Variants in CAMK2G observed in about 807,000 individuals in gnomAD.
CAMK2G encodes calcium/calmodulin-dependent protein kinase type II subunit gamma.
In CAMK2G, 23 loss-of-function variants were observed where a neutral mutation model predicts 88.7. The ratio of observed to expected loss-of-function variants is 0.26; its 90% CI spans 0.19 to 0.37. The LOEUF is 0.37. CAMK2G is among the 10% of genes least tolerant of loss of function. CAMK2G has a pLI of 1.00. For synonymous variants in CAMK2G, 263 were observed against 294.8 expected, an observed-to-expected ratio of 0.89 and a Z score of 1.11; for missense variants, 476 against 780.8, an observed-to-expected ratio of 0.61 and a Z score of 4.65.
intron 9 of CAMK2G, 55 bp downstream of exon 9, chr10:73,847,933 A>C: frequency 1.1e-6 from 1 of 913,198 alleles, no homozygotes. Flanking sequence ...ACAGAGCCCG[A>C]GGAGCAAGGA....
intron 18 of CAMK2G, 61 bp downstream of exon 18, chr10:73,821,621 T>C (rs2088799920): frequency 7.6e-7 from 1 of 1,311,980 alleles, no homozygotes; most frequent in Non-Finnish European, 1.1e-6. Flanking sequence ...AGGTGCCCCA[T>C]TGGAGCCCAG....
At position 73,842,180 on chromosome 10, in the gene CAMK2G, C is replaced by T; in HGVS notation, c.935G>A (p.Arg312Lys). 11 of 1,612,968 alleles carry T rather than the reference C, an allele frequency of 6.8e-6. No homozygotes were observed. The highest frequency in any genetic ancestry group is 9.3e-6 in the Non-Finnish European group (11 of 1,178,906). The change falls in exon 12 of 23, where the codon AGG becomes AAG. Residue 312 changes from arginine (R) to lysine (K), a missense_variant. Coordinates refer to ENST00000423381, the MANE Select transcript of CAMK2G (RefSeq NM_001367534.1). This position sits in a 1 kb window ranked among gnomAD's most constrained non-coding sequence, Gnocchi z 4.6. ...CTGGGAAAACATACCTGAGAAGTTC[C>T]TGGAGACAAGCATGGTCGTGAGGAT... The part of the protein sequence containing the change: ...GAILTTMLVS[R>K]NFSVGRQSSA...
At chr10:73,832,065 TA>T (rs563352520) in intron 14 of CAMK2G, among the ~76,000 whole-genome samples, 33 of 146,830 alleles carry the variant, frequency 2.2e-4, no homozygotes, top group East Asian at 1.6e-3. Flanking sequence ...TGCTTTACTT[TA>T]AAAAAAAAAT....
intron 14 of CAMK2G, among the ~76,000 whole-genome samples, chr10:73,831,500 T>C (rs2092422447): frequency 7.2e-6 from 1 of 139,104 alleles, no homozygotes; most frequent in Non-Finnish European, 1.5e-5. Context: ...ACCATGCCAT[T>C]GCACTCCAGC....
intron 3 of CAMK2G, among the ~76,000 whole-genome samples, chr10:73,856,864 C>T (rs2095072427): frequency 6.6e-6 from 1 of 152,242 alleles, no homozygotes; most frequent in Non-Finnish European, 1.5e-5. Context: ...TAGCCACAAC[C>T]CAAATGTTGT....
chr10:73,848,216 A>C lies in CAMK2G; in HGVS notation c.602-134T>G. The C allele has an allele frequency of 4.5e-6, 3 of 671,974 alleles. No homozygotes were observed. The highest frequency in any genetic ancestry group is 5.0e-5 in the East Asian group (2 of 39,820). The allele number at this position is 671,974 out of a possible 1,614,324, so 41.6% of individuals were successfully genotyped here. On this transcript the variant is annotated intron_variant, in intron 8 of 22. Coordinates refer to ENST00000423381, the MANE Select transcript of CAMK2G (RefSeq NM_001367534.1). This position sits in a 1 kb window ranked among gnomAD's most constrained non-coding sequence, Gnocchi z 4.5. ...GAGTCAGAAGTGGATGCCAGCCGAT[A>C]ATGCTATGCTACCAGCCCCTCCTGC...
Position 73,814,980 on chromosome 10 carries a change from T to A in CAMK2G, c.*12+23A>T, listed in dbSNP as rs561181148. ...ACCTATCCCAGGCCCTTCCAGCCCCTCTCCCCCGTCAACCAGGTGCACCTG... is the reference window on the plus strand; with the variant it reads ...ACCTATCCCAGGCCCTTCCAGCCCCACTCCCCCGTCAACCAGGTGCACCTG... On this transcript the variant is annotated intron_variant, in intron 22 of 22. Coordinates refer to ENST00000423381, the MANE Select transcript of CAMK2G (RefSeq NM_001367534.1). 4 of 1,525,938 alleles carry A rather than the reference T, an allele frequency of 2.6e-6. No homozygotes were observed. The African/African-American group carries it at 5.5e-5, about 21-fold the overall frequency. 94.5% of individuals were successfully genotyped at this position (1,525,938 alleles called of 1,614,324 possible).
At chr10:73,835,928 A>G (rs1283726085) in intron 14 of CAMK2G, among the ~76,000 whole-genome samples, 2 of 152,010 alleles carry the variant, frequency 1.3e-5, no homozygotes, top group Admixed American at 1.3e-4. Context: ...TCCGCCTCCC[A>G]GGTTCAAGCC....
chr10:73,860,236 T>C (rs890743655), intron 3 of CAMK2G, among the ~76,000 whole-genome samples: 1 of 152,124 alleles, frequency 6.6e-6, no homozygotes, highest in Non-Finnish European at 1.5e-5. Context: ...CAACCAACAA[T>C]GTGCTCTTGT....
In CAMK2G at chr10:73,852,358, G is replaced by C. The variant is rs747425864; in HGVS notation, c.276-39C>G. 77 of 1,573,116 alleles carry C rather than the reference G, an allele frequency of 4.9e-5. 1 individual carries two copies. The South Asian group carries it at 6.9e-4, about 14-fold the overall frequency. On this transcript the variant is annotated intron_variant, in intron 4 of 22. Transcript: ENST00000423381. ...GAAGAAGAGGGTCAGAGGCAGAAAG[G>C]GTCCTTTGTCCAACCCCAATGTCCA...
intron 10 of CAMK2G, among the ~76,000 whole-genome samples, chr10:73,843,840 G>T (rs1216399036): frequency 6.6e-6 from 1 of 152,056 alleles, no homozygotes; most frequent in African/African-American, 2.4e-5. Context: ...AGCAAAATGA[G>T]AGGTCATCAG....
chr10:73,827,256 G>A (rs1477332981), intron 15 of CAMK2G, among the ~76,000 whole-genome samples: 1 of 152,198 alleles, frequency 6.6e-6, no homozygotes, highest in Non-Finnish European at 1.5e-5. Context: ...GCGCGATCTC[G>A]GCTCACTGCA....
At chr10:73,820,499 T>A (rs1252711068) in intron 18 of CAMK2G, among the ~76,000 whole-genome samples, 421 of 113,388 alleles carry the variant, frequency 3.7e-3, no homozygotes, top group African/African-American at 0.013. Context: ...TATATTTTTT[T>A]TTTTTTTTTT....
At chr10:73,854,950 G>A (rs896445313) in intron 3 of CAMK2G, among the ~76,000 whole-genome samples, 5 of 152,126 alleles carry the variant, frequency 3.3e-5, no homozygotes, top group Admixed American at 6.5e-5. Context: ...TTCTGGGAAC[G>A]GGATCAAAGG....
intron 18 of CAMK2G, 152 bp downstream of exon 18, chr10:73,821,530 C>T: frequency 1.6e-6 from 1 of 627,054 alleles, no homozygotes; most frequent in Non-Finnish European, 2.8e-6. Context: ...CATATCTTGG[C>T]TCGTGGAAAG....
At chr10:73,868,777 C>T (rs190172319) in intron 2 of CAMK2G, among the ~76,000 whole-genome samples, 102 of 152,264 alleles carry the variant, frequency 6.7e-4, no homozygotes, top group African/African-American at 2.4e-3. Flanking sequence ...GTCATGGGGG[C>T]TACTCAGGCC....
At chr10:73,821,597 G>A (rs1325934767) in intron 18 of CAMK2G, 85 bp downstream of exon 18, 7 of 1,008,886 alleles carry the variant, frequency 6.9e-6, no homozygotes, top group Non-Finnish European at 7.7e-6. Context: ...CCCAGTTCTG[G>A]GGACAGAAAA....
At chr10:73,819,393 CA>C in intron 19 of CAMK2G, 138 bp downstream of exon 19, 1 of 677,044 alleles carries the variant, frequency 1.5e-6, no homozygotes, top group African/African-American at 1.8e-5. Context: ...GTCTACCCCC[CA>C]CCCCCAGCAG....
At chr10:73,867,552 A>G (rs2095640641) in intron 2 of CAMK2G, among the ~76,000 whole-genome samples, 1 of 152,184 alleles carries the variant, frequency 6.6e-6, no homozygotes, top group African/African-American at 2.4e-5. Context: ...GAAGGGAAAG[A>G]AAGGGAGGAG....
Sources: gnomAD v4.1 joint callset for allele counts (sites outside exome capture counted in the v4.1 genomes callset) on GRCh38, gnomAD v4.1.1 for gene constraint, Gnocchi (gnomAD v3.1) non-coding constraint, MANE v1.5 for transcripts, NCBI Gene and HGNC (gene_info 2026-07-23, HGNC 2026-07-21) for gene names.